Variants in SDR42E2 observed in about 807,000 individuals in gnomAD.
The protein encoded by SDR42E2 is putative short-chain dehydrogenase/reductase family 42E member 2.
A neutral mutation model predicts 10.5 loss-of-function variants in SDR42E2; 20 were observed. That is an observed-to-expected ratio of 1.90 (90% CI 1.34 to 2.77). SDR42E2 has a LOEUF of 2.77. SDR42E2 is among the 30% of genes most tolerant of loss of function. SDR42E2 has a pLI of 0.00. For synonymous variants in SDR42E2, 72 were observed against 39.2 expected (o/e 1.84, Z -3.12); for missense variants, 162 against 104.2 (o/e 1.55, Z -2.42).
rs1169230837 is a variant in SDR42E2, at chr16:22,166,938, C to T, written c.275C>T (p.Ala92Val). 2 of 700,752 alleles carry T rather than the reference C, an allele frequency of 2.9e-6. No individual in the cohort carries two copies. Among genetic ancestry groups the T allele is most frequent in the East Asian group, 2.7e-5 (1 of 37,222 alleles). The allele number at this position is 700,752 out of a possible 1,614,324, so 43.4% of individuals were successfully genotyped here. A position where few individuals can be genotyped will look rare whatever the true frequency, so the allele number is the denominator to read the frequency against. ...CGAGATGAAGAAGCCCTGTACCGTG[C>T]CTTCGAAGGGGTGGACTGTGTCTTC... ...DVRDEEALYR[A>V]FEGVDCVFHV... The change falls in exon 4 of 13, where the codon GCC becomes GTC. Residue 92 changes from alanine (A) to valine (V), a missense_variant. Ala to Val is a moderately conservative substitution (Grantham distance 64). Coordinates refer to ENST00000602312, the MANE Select transcript of SDR42E2 (RefSeq NM_001394319.2).
At chr16:22,168,385 A>G (rs1598130015) in intron 4 of SDR42E2, among the ~76,000 whole-genome samples, 1 of 151,474 alleles carries the variant, frequency 6.6e-6, no homozygotes, top group African/African-American at 2.4e-5. Flanking sequence ...TCTGCCTCAG[A>G]CTCCTGAGTA....
At chr16:22,181,066 A>T (rs2046688588) in intron 8 of SDR42E2, among the ~76,000 whole-genome samples, 1 of 152,200 alleles carries the variant, frequency 6.6e-6, no homozygotes, top group Admixed American at 6.5e-5. Context: ...ACAGGGGCTG[A>T]GGGTGGACAG....
Position 22,166,935 on chromosome 16 carries a change from G to A in SDR42E2, c.272G>A (p.Arg91His), listed in dbSNP as rs6497575. The A allele has an allele frequency of 0.45, 317,181 of 699,216 alleles. 81,178 individuals carry two copies. Among genetic ancestry groups the A allele is most frequent in the East Asian group, 0.84 (31,098 of 37,184 alleles). 43.3% of individuals were successfully genotyped at this position (699,216 alleles called of 1,614,324 possible). Residue 91 changes from arginine (R) to histidine (H), a missense_variant, in exon 4 of 13, where the codon CGT (arginine) becomes CAT (histidine). Coordinates refer to ENST00000602312, the MANE Select transcript of SDR42E2 (RefSeq NM_001394319.2). ...GTCCGAGATGAAGAAGCCCTGTACC[G>A]TGCCTTCGAAGGGGTGGACTGTGTC... is the stretch of plus-strand genomic sequence containing the variant. ...ADVRDEEALY[R>H]AFEGVDCVFH...
intron 4 of SDR42E2, among the ~76,000 whole-genome samples, chr16:22,168,219 A>AC (rs1469374997): frequency 6.6e-6 from 1 of 151,522 alleles, no homozygotes; most frequent in Non-Finnish European, 1.5e-5. Context: ...ACATAGTGAG[A>AC]CCCCTATCTC....
At chr16:22,187,081 C>T (rs1468419656) in intron 12 of SDR42E2, among the ~76,000 whole-genome samples, 1 of 152,144 alleles carries the variant, frequency 6.6e-6, no homozygotes, top group Non-Finnish European at 1.5e-5. Flanking sequence ...TCTTGTCTTT[C>T]CAGCCAGACT....
intron 4 of SDR42E2, 66 bp from the exon 5 acceptor site, chr16:22,169,379 A>C: frequency 1.4e-6 from 1 of 702,462 alleles, no homozygotes; most frequent in Non-Finnish European, 2.6e-6. Flanking sequence ...CCCCAAGCTC[A>C]GCCTTCCAGC....
intron 10 of SDR42E2, among the ~76,000 whole-genome samples, chr16:22,183,676 A>G (rs973358082): frequency 6.6e-6 from 1 of 152,228 alleles, no homozygotes; most frequent in South Asian, 2.1e-4. Context: ...TTTCTGCTGC[A>G]TATCCTACCA....
intron 5 of SDR42E2, 39 bp from the exon 6 acceptor site, chr16:22,170,794 T>C: frequency 1.4e-6 from 1 of 702,832 alleles, no homozygotes; most frequent in East Asian, 2.7e-5. Context: ...TGCATGTGTG[T>C]GTGTGTTTAT....
intron 5 of SDR42E2, 38 bp from the exon 6 acceptor site, chr16:22,170,795 G>A (rs2046592396): frequency 1.4e-6 from 1 of 702,794 alleles, no homozygotes; most frequent in South Asian, 1.5e-5. Flanking sequence ...GCATGTGTGT[G>A]TGTGTTTATT....
intron 12 of SDR42E2, 147 bp downstream of exon 12, chr16:22,186,941 G>C (rs904167079): frequency 1.3e-5 from 5 of 393,186 alleles, no homozygotes; most frequent in Admixed American, 4.5e-5. Flanking sequence ...TTTCCATGTG[G>C]GCCCAAAGCT....
chr16:22,189,583 A>G (rs1451305845), intron 12 of SDR42E2, among the ~76,000 whole-genome samples: 1 of 152,202 alleles, frequency 6.6e-6, no homozygotes. Flanking sequence ...CAGCAGGGGA[A>G]ACACAGCTTA....
At chr16:22,186,859 A>AC (rs376628036) in intron 12 of SDR42E2, 65 bp downstream of exon 12, 5 of 378,604 alleles carry the variant, frequency 1.3e-5, no homozygotes, top group South Asian at 1.4e-4. Context: ...ACCTCTCCCC[A>AC]CCATCCCCAC....
At chr16:22,172,842 A>C (rs952103692) in intron 7 of SDR42E2, among the ~76,000 whole-genome samples, 2 of 152,106 alleles carry the variant, frequency 1.3e-5, no homozygotes, top group Non-Finnish European at 2.9e-5. Context: ...GTGCAATGGC[A>C]CAATCATAGC....
intron 8 of SDR42E2, among the ~76,000 whole-genome samples, chr16:22,180,730 G>A (rs529734142): frequency 5.3e-5 from 8 of 151,982 alleles, no homozygotes; most frequent in Admixed American, 2.6e-4. Flanking sequence ...GATCTGGCCC[G>A]GCATGGTGGC....
intron 12 of SDR42E2, among the ~76,000 whole-genome samples, chr16:22,189,513 C>G (rs2046756302): frequency 6.6e-6 from 1 of 152,172 alleles, no homozygotes; most frequent in Non-Finnish European, 1.5e-5. Flanking sequence ...GGTGTGTGTT[C>G]CTTAACTGCT....
At position 22,190,523 on chromosome 16, in the gene SDR42E2, C is replaced by G. The variant is rs1043102785; in HGVS notation, c.*130C>G. 1 of 399,126 alleles carries G rather than the reference C, an allele frequency of 2.5e-6. No individual in the cohort carries two copies. Among genetic ancestry groups the G allele is most frequent in the East Asian group, 3.6e-5 (1 of 28,078 alleles). The allele number at this position is 399,126 out of a possible 1,614,324, so 24.7% of individuals were successfully genotyped here. A position where few individuals can be genotyped will look rare whatever the true frequency, so the allele number is the denominator to read the frequency against. ...GCGCCTCCGCTCCGCCCCTTGAATC[C>G]TGGTCACGCCCCCGAGCCGCTCTCC... On this transcript the variant is annotated 3_prime_UTR_variant, in exon 13 of 13. Coordinates refer to ENST00000602312, the MANE Select transcript of SDR42E2 (RefSeq NM_001394319.2).
At chr16:22,178,108 A>C in intron 7 of SDR42E2, 22 bp from the exon 8 acceptor site, 2 of 700,938 alleles carry the variant, frequency 2.9e-6, no homozygotes, top group Non-Finnish European at 5.2e-6. Flanking sequence ...CTGACCCCTG[A>C]CCACGCTTCC....
intron 1 of SDR42E2, among the ~76,000 whole-genome samples, chr16:22,164,781 TCTC>T (rs754062887): frequency 8.6e-5 from 13 of 152,002 alleles, no homozygotes; most frequent in African/African-American, 1.2e-4. Context: ...CCATGTGGAT[TCTC>T]CTCCTCCTCC....
At chr16:22,186,204 C>T (rs1335200893) in intron 11 of SDR42E2, among the ~76,000 whole-genome samples, 1 of 151,744 alleles carries the variant, frequency 6.6e-6, no homozygotes, top group East Asian at 1.9e-4. Flanking sequence ...AAACTTCAGT[C>T]GTTCAATTTT....
Sources: gnomAD v4.1 joint callset for allele counts (sites outside exome capture counted in the v4.1 genomes callset) on GRCh38, gnomAD v4.1.1 for gene constraint, MANE v1.5 for transcripts, NCBI Gene and HGNC (gene_info 2026-07-23, HGNC 2026-07-21) for gene names.